MAP2K5: variants seen among roughly 807,000 people sequenced by gnomAD.
The protein encoded by MAP2K5 is dual specificity mitogen-activated protein kinase kinase 5.
Under a neutral mutation model 83.1 loss-of-function variants are expected in MAP2K5, and 49 were observed. The ratio of observed to expected loss-of-function variants is 0.59; its 90% CI spans 0.47 to 0.75. The LOEUF (loss-of-function observed/expected upper bound fraction) is 0.75. Ranked by LOEUF, MAP2K5 falls within the 30% of genes least tolerant of loss-of-function variation. The pLI is 0.00. For missense variants in MAP2K5, 457 were observed against 557.5 expected (o/e 0.82, Z 1.82); for synonymous variants, 202 against 191.8 (o/e 1.05, Z -0.44).
At chr15:67,729,720 C>T (rs113480888) in intron 17 of MAP2K5, among the ~76,000 whole-genome samples, 2,013 of 152,148 alleles carry the variant, frequency 0.013, 24 homozygotes, top group Middle Eastern at 0.068. Context: ...GCCGAGATCA[C>T]GCCACTGCAC....
intron 12 of MAP2K5, among the ~76,000 whole-genome samples, chr15:67,659,918 G>A (rs188394385): frequency 2.5e-3 from 379 of 152,222 alleles, no homozygotes; most frequent in African/African-American, 8.5e-3. Flanking sequence ...TACTGGAGTA[G>A]GAAGACTGTT....
chr15:67,619,274 T>C (rs989299282), intron 8 of MAP2K5, among the ~76,000 whole-genome samples: 2 of 152,218 alleles, frequency 1.3e-5, no homozygotes, highest in African/African-American at 4.8e-5. Context: ...GATCAGTCTC[T>C]ATATCCTTAC....
At chr15:67,549,655 A>G (rs1404687668) in intron 1 of MAP2K5, among the ~76,000 whole-genome samples, 1 of 152,216 alleles carries the variant, frequency 6.6e-6, no homozygotes, top group Non-Finnish European at 1.5e-5. Context: ...TTTTTTTCCC[A>G]GAGATTCAGA....
At position 67,757,831 on chromosome 15, in the gene MAP2K5, A is replaced by G. The variant is rs886563264; in HGVS notation, c.1134+9230A>G. ...GTAGCCATATAAATTCTATAATTAA[A>G]GTGTGGCCAAGGTGCTGGGGAAACA... On this transcript the variant is annotated intron_variant, in intron 19 of 21. Coordinates refer to ENST00000178640, the MANE Select transcript of MAP2K5 (RefSeq NM_145160.3). The surrounding 1 kb of genome is among the most constrained non-coding windows in gnomAD (Gnocchi z 4.9). Among the ~76,000 whole-genome samples, 1 of 152,152 alleles carries G rather than the reference A, an allele frequency of 6.6e-6. No individual in the cohort carries two copies. The highest frequency in any genetic ancestry group is 2.4e-5 in the African/African-American group (1 of 41,442).
intron 11 of MAP2K5, 44 bp from the exon 12 acceptor site, chr15:67,658,509 C>G (rs1433473959): frequency 2.1e-6 from 3 of 1,457,958 alleles, no homozygotes; most frequent in Non-Finnish European, 1.9e-6. Flanking sequence ...GTGCATTGTT[C>G]TGGTAATTTC....
intron 17 of MAP2K5, among the ~76,000 whole-genome samples, chr15:67,731,742 T>G (rs2089228193): frequency 6.6e-6 from 1 of 152,098 alleles, no homozygotes; most frequent in Non-Finnish European, 1.5e-5. Flanking sequence ...TACAGTTAGG[T>G]CTAGGACTTG....
chr15:67,697,968 C>G (rs977601717), intron 15 of MAP2K5, among the ~76,000 whole-genome samples: 6 of 152,146 alleles, frequency 3.9e-5, no homozygotes, highest in Non-Finnish European at 8.8e-5. Context: ...CTTGATCCAA[C>G]CTCCCCATTG....
chr15:67,584,389 A>G (rs1235218612), intron 4 of MAP2K5, among the ~76,000 whole-genome samples: 2 of 152,200 alleles, frequency 1.3e-5, no homozygotes, highest in Non-Finnish European at 2.9e-5. Context: ...TGCACTGCTT[A>G]CTTCAGTGGA....
chr15:67,649,653 C>G (rs961077680), intron 11 of MAP2K5, among the ~76,000 whole-genome samples: 2 of 152,104 alleles, frequency 1.3e-5, no homozygotes, highest in East Asian at 3.8e-4. Context: ...TCTGTACTTT[C>G]AGATCAATGC....
intron 12 of MAP2K5, among the ~76,000 whole-genome samples, chr15:67,661,337 G>A (rs972723576): frequency 2.0e-5 from 3 of 152,070 alleles, no homozygotes; most frequent in Admixed American, 6.6e-5. Flanking sequence ...GTGACATTGT[G>A]TACTGTATTT....
intron 1 of MAP2K5, chr15:67,548,936 A>C: frequency 1.0e-6 from 1 of 985,926 alleles, no homozygotes; most frequent in South Asian, 2.2e-5. Context: ...AGCACTATAG[A>C]GGCAAGACTA....
chr15:67,658,205 C>T (rs1417515153), intron 11 of MAP2K5, among the ~76,000 whole-genome samples: 1 of 152,012 alleles, frequency 6.6e-6, no homozygotes, highest in African/African-American at 2.4e-5. Context: ...AAAGCTGTTA[C>T]AAAAGACAGG....
intron 8 of MAP2K5, among the ~76,000 whole-genome samples, chr15:67,614,595 G>A (rs1047006991): frequency 2.6e-5 from 4 of 152,040 alleles, no homozygotes; most frequent in Non-Finnish European, 5.9e-5. Flanking sequence ...CAGAATCCTT[G>A]ATCAAGAGAT....
intron 13 of MAP2K5, among the ~76,000 whole-genome samples, chr15:67,681,664 T>G (rs2087820867): frequency 6.6e-6 from 1 of 152,226 alleles, no homozygotes; most frequent in African/African-American, 2.4e-5. Flanking sequence ...ACACCTAAAC[T>G]TGATATTTTT....
At chr15:67,567,844 G>T (rs1020260279) in intron 3 of MAP2K5, among the ~76,000 whole-genome samples, 2 of 152,018 alleles carry the variant, frequency 1.3e-5, no homozygotes, top group African/African-American at 2.4e-5. Context: ...TGAAAATAGC[G>T]TGCTGCTTTT....
rs2084775736 is a variant in MAP2K5 at position 67,563,267 on chromosome 15, A to T, written c.185-16A>T. 6.2e-7 allele frequency: 1 copy of T among 1,606,332 alleles called. No individual in the cohort carries two copies. Among genetic ancestry groups the T allele is most frequent in the African/African-American group, 1.3e-5 (1 of 74,718 alleles). ...AAATGCACACCTTATCATTTGCATT[A>T]TGTGCTTTTAAACAGATGAAGATGA... On this transcript the variant is annotated splice_polypyrimidine_tract_variant and intron_variant, in intron 2 of 21. Transcript: ENST00000178640. This position sits in a 1 kb window ranked among gnomAD's most constrained non-coding sequence, Gnocchi z 4.5.
chr15:67,717,429 GC>G lies in MAP2K5; in HGVS notation c.1045-10484del, dbSNP rs999235489. Among the ~76,000 whole-genome samples the G allele has an allele frequency of 6.6e-6, 1 of 152,164 alleles. No homozygotes were observed. Among genetic ancestry groups the G allele is most frequent in the African/African-American group, 2.4e-5 (1 of 41,438 alleles). Reference sequence around the variant, plus strand: ...TGTTGGCAGTAAGGGTACATACTTTGCCCTCAGTGACTCCTTGACTAATAGG... The same window carrying G: ...TGTTGGCAGTAAGGGTACATACTTTGCCTCAGTGACTCCTTGACTAATAGG... On this transcript the variant is annotated intron_variant, in intron 16 of 21. Transcript: ENST00000178640. The surrounding 1 kb of genome is among the most constrained non-coding windows in gnomAD (Gnocchi z 4.1).
chr15:67,578,171 A>G (rs2085103598), intron 3 of MAP2K5, among the ~76,000 whole-genome samples: 1 of 152,210 alleles, frequency 6.6e-6, no homozygotes. Flanking sequence ...TGGAGACAAC[A>G]GTTAGTGATG....
chr15:67,779,897 A>C lies in MAP2K5; in HGVS notation c.1242+7145A>C. ...GGAGGCTAAGGTGGGTCTTTAAAGT[A>C]TGTTACACTTTAGTTCCTCATTGGC... On this transcript the variant is annotated intron_variant, in intron 21 of 21. Coordinates refer to ENST00000178640, the MANE Select transcript of MAP2K5 (RefSeq NM_145160.3). The surrounding 1 kb of genome is among the most constrained non-coding windows in gnomAD (Gnocchi z 4.6). Among the ~76,000 whole-genome samples the C allele has an allele frequency of 6.6e-6, 1 of 152,118 alleles. No homozygotes were observed. The highest frequency in any genetic ancestry group is 1.9e-4 in the East Asian group (1 of 5,198).
Sources: allele counts gnomAD v4.1 joint callset (sites outside exome capture counted in the v4.1 genomes callset), GRCh38; gene constraint gnomAD v4.1.1; non-coding constraint Gnocchi (gnomAD v3.1); transcripts MANE v1.5; gene names NCBI Gene and HGNC (gene_info 2026-07-23, HGNC 2026-07-21).